Variants in RARB observed in about 807,000 individuals in gnomAD.
The protein encoded by RARB is HBV-activated protein.
In RARB, 17 loss-of-function variants were observed where a neutral mutation model predicts 51.9. The ratio of observed to expected loss-of-function variants is 0.33; its 90% CI spans 0.22 to 0.49. RARB has a LOEUF of 0.49. Among genes scored for constraint, RARB ranks in the 20% least tolerant of loss-of-function variants. RARB has a pLI of 0.99. For synonymous variants in RARB, 215 were observed against 195.4 expected (o/e 1.10, Z -0.84); for missense variants, 369 against 550.8 (o/e 0.67, Z 3.30).
chr3:25,158,419 C>G (rs1443605250), intron 4 of RARB, among the ~76,000 whole-genome samples: 1 of 152,194 alleles, frequency 6.6e-6, no homozygotes, highest in South Asian at 2.1e-4. Context: ...GGCTTTCAAG[C>G]TGATCCTTGA....
chr3:25,229,331 A>C (rs948380308), intron 5 of RARB, among the ~76,000 whole-genome samples: 1 of 152,150 alleles, frequency 6.6e-6, no homozygotes, highest in South Asian at 2.1e-4. Context: ...ATCTTTTACC[A>C]TATGAATTTC....
chr3:25,449,755 TC>T (rs989589961), intron 1 of RARB, among the ~76,000 whole-genome samples: 24 of 109,358 alleles, frequency 2.2e-4, no homozygotes, highest in African/African-American at 8.9e-4. Flanking sequence ...TTTCTCTCTC[TC>T]TTTTTTTTTT....
In RARB at chr3:25,255,124, C is replaced by CT. The variant is rs1347793483; in HGVS notation, c.178+80552dup. ...GCTTTAGGGTAACACTCACACATTT[C>CT]TTTACTAGGCATGAGCATCAGATGA... On this transcript the variant is annotated intron_variant, in intron 5 of 11. Coordinates refer to the RARB transcript ENST00000383772. Among the ~76,000 whole-genome samples, 3 of 152,176 alleles carry CT rather than the reference C, an allele frequency of 2.0e-5. 1 individual carries two copies.
Position 24,846,834 on chromosome 3 carries a change from G to A in RARB, c.-458-11840G>A, listed in dbSNP as rs1308240344. On this transcript the variant is annotated intron_variant, in intron 1 of 11. Transcript: ENST00000383772. The stretch of plus-strand genomic sequence containing the variant: ...TAACAATTAATCTGTGTACCTGTGT[G>A]GCAATGAACTTCCACCTATTCTATG... 2.0e-5 allele frequency among the ~76,000 whole-genome samples: 3 copies of A among 151,292 alleles called. No individual in the cohort carries two copies. In the East Asian group the frequency reaches 5.8e-4, roughly 29 times the overall value.
At chr3:24,970,574 A>AACACACACACAC (rs60292267) in intron 2 of RARB, among the ~76,000 whole-genome samples, 4,319 of 148,798 alleles carry the variant, frequency 0.029, 54 homozygotes, top group East Asian at 0.048. Flanking sequence ...AAGTCATGTA[A>AACACACACACAC]ACACACACAC....
At chr3:25,429,332 T>G (rs1247028714) in intron 1 of RARB, among the ~76,000 whole-genome samples, 5 of 152,152 alleles carry the variant, frequency 3.3e-5, no homozygotes, top group African/African-American at 1.2e-4. Context: ...CCTTGTGTAT[T>G]CCAACAGTCC....
chr3:25,088,382 G>A (rs1007734413), intron 3 of RARB, among the ~76,000 whole-genome samples: 7 of 152,070 alleles, frequency 4.6e-5, no homozygotes, highest in African/African-American at 1.2e-4. Flanking sequence ...TGCCGTGAAC[G>A]CCCTTGTTTG....
chr3:24,877,535 C>T (rs1297142516), intron 2 of RARB, among the ~76,000 whole-genome samples: 1 of 151,882 alleles, frequency 6.6e-6, no homozygotes, highest in Admixed American at 6.6e-5. Flanking sequence ...TGAAGTTTCA[C>T]TTCTAAAGAT....
chr3:25,522,676 C>T (rs1476639926), intron 3 of RARB, among the ~76,000 whole-genome samples: 1 of 152,020 alleles, frequency 6.6e-6, no homozygotes, highest in African/African-American at 2.4e-5. Flanking sequence ...AAGGCTTGGC[C>T]CAGACTCAAT....
intron 1 of RARB, among the ~76,000 whole-genome samples, 164 bp from the exon 2 acceptor site, chr3:25,461,029 G>T (rs1244759927): frequency 6.6e-6 from 1 of 152,212 alleles, no homozygotes; most frequent in Non-Finnish European, 1.5e-5. Context: ...ATCAATGTCA[G>T]TGTCACCACT....
Position 25,097,538 on chromosome 3 carries a change from G to A in RARB, c.-327-34623G>A, listed in dbSNP as rs116396817. Among the ~76,000 whole-genome samples the A allele has an allele frequency of 5.5e-3, 841 of 152,286 alleles. 9 individuals carry two copies. Among genetic ancestry groups the A allele is most frequent in the Middle Eastern group, 0.027 (8 of 294 alleles). On this transcript the variant is annotated intron_variant, in intron 3 of 11. Coordinates refer to the RARB transcript ENST00000383772. ...GCATGCCTATAGGCCCAGCTACTCAGGCTTGAGGAGGGAGGCTCGCTTGAG... is the reference window on the plus strand; with the variant it reads ...GCATGCCTATAGGCCCAGCTACTCAAGCTTGAGGAGGGAGGCTCGCTTGAG...
At chr3:24,856,933 C>T (rs764588304) in intron 1 of RARB, among the ~76,000 whole-genome samples, 5 of 152,142 alleles carry the variant, frequency 3.3e-5, no homozygotes, top group Non-Finnish European at 5.9e-5. Context: ...GATGAGCTTT[C>T]AATTGATTTA....
chr3:25,011,343 C>T (rs924593473), intron 2 of RARB, among the ~76,000 whole-genome samples: 5 of 152,026 alleles, frequency 3.3e-5, no homozygotes, highest in African/African-American at 9.7e-5. Flanking sequence ...GAGAAGGTGA[C>T]GTGTGAACAA....
intron 3 of RARB, among the ~76,000 whole-genome samples, chr3:25,101,545 T>C (rs553869163): frequency 6.6e-6 from 1 of 152,242 alleles, no homozygotes; most frequent in African/African-American, 2.4e-5. Context: ...CATATCATTA[T>C]GTACAGATCT....
At chr3:24,834,611 T>G (rs573550605) in intron 1 of RARB, among the ~76,000 whole-genome samples, 5 of 152,234 alleles carry the variant, frequency 3.3e-5, no homozygotes, top group African/African-American at 1.2e-4. Flanking sequence ...ACGTGGAAGG[T>G]TTTACCTCTC....
At chr3:25,400,007 T>C (rs1707221832) in intron 5 of RARB, among the ~76,000 whole-genome samples, 1 of 152,226 alleles carries the variant, frequency 6.6e-6, no homozygotes, top group Non-Finnish European at 1.5e-5. Context: ...CTCTGAGGAT[T>C]CTCCTAAAGA....
chr3:25,287,459 C>T (rs1703683272), intron 5 of RARB, among the ~76,000 whole-genome samples: 1 of 152,162 alleles, frequency 6.6e-6, no homozygotes, highest in East Asian at 1.9e-4. Context: ...ATGTTGGTCC[C>T]TCAGGCCAGA....
intron 5 of RARB, among the ~76,000 whole-genome samples, chr3:25,189,678 G>A (rs1408591833): frequency 6.6e-6 from 1 of 152,086 alleles, no homozygotes; most frequent in Non-Finnish European, 1.5e-5. Flanking sequence ...CTTGAAGTCA[G>A]GAGTTCAAGA....
chr3:25,325,763 C>G (rs1704697656), intron 5 of RARB, among the ~76,000 whole-genome samples: 1 of 140,866 alleles, frequency 7.1e-6, no homozygotes, highest in African/African-American at 2.7e-5. Flanking sequence ...GAAGCAGGAC[C>G]AGTAGGGTAC....
Sources: allele counts gnomAD v4.1 joint callset (sites outside exome capture counted in the v4.1 genomes callset), GRCh38; gene constraint gnomAD v4.1.1; transcripts MANE v1.5; gene names NCBI Gene and HGNC (gene_info 2026-07-23, HGNC 2026-07-21).